AFF2: variants seen among roughly 807,000 people sequenced by gnomAD.
AFF2 encodes AF4/FMR2 family member 2.
In AFF2, 14 loss-of-function variants were observed where a neutral mutation model predicts 76.9. That is an observed-to-expected ratio of 0.18 (90% CI 0.12 to 0.28). The LOEUF is 0.28. Ranked by LOEUF, AFF2 falls within the 10% of genes least tolerant of loss-of-function variation. The probability of loss-of-function intolerance (pLI) is 1.00; values close to 1 mark genes in which losing one functional copy is unlikely to be tolerated. For missense variants in AFF2, 868 were observed against 1,001.1 expected (o/e 0.87, Z 1.79); for synonymous variants, 398 against 366.7 (o/e 1.09, Z -0.98).
intron 7 of AFF2, among the ~76,000 whole-genome samples, chrX:148,850,862 G>A (rs1364328841): frequency 1.8e-5 from 2 of 111,479 alleles, no homozygotes; most frequent in Admixed American, 1.9e-4. Context: ...TGCATTCTCA[G>A]AATATGCTGC....
intron 15 of AFF2, among the ~76,000 whole-genome samples, chrX:148,968,019 CT>C (rs2072202542): frequency 1.8e-5 from 2 of 111,635 alleles, no homozygotes; most frequent in Non-Finnish European, 3.8e-5. Context: ...AAATGATGTG[CT>C]TTTTTGGTCC....
At chrX:148,524,123 C>G (rs868947887) in intron 1 of AFF2, among the ~76,000 whole-genome samples, 45 of 83,461 alleles carry the variant, frequency 5.4e-4, no homozygotes, top group East Asian at 9.1e-4. Flanking sequence ...CTCTCTCTCT[C>G]TGTGTGTGTG....
intron 1 of AFF2, among the ~76,000 whole-genome samples, chrX:148,508,227 C>G (rs1258661349): frequency 8.9e-6 from 1 of 112,231 alleles, no homozygotes; most frequent in Admixed American, 9.4e-5. Flanking sequence ...TCTGCATCAT[C>G]TACCATCTTC....
chrX:148,671,610 C>T (rs184817154), intron 3 of AFF2, among the ~76,000 whole-genome samples: 1 of 111,332 alleles, frequency 9.0e-6, no homozygotes, highest in African/African-American at 3.3e-5. Context: ...CCATAACCCT[C>T]TAGGAGTATC....
At chrX:148,805,831 T>A (rs2124636993) in intron 3 of AFF2, among the ~76,000 whole-genome samples, 1 of 112,461 alleles carries the variant, frequency 8.9e-6, no homozygotes, top group South Asian at 3.7e-4. Context: ...GATGTGCACC[T>A]CCCTTCCCTG....
At chrX:148,704,298 A>T (rs868995306) in intron 3 of AFF2, among the ~76,000 whole-genome samples, 2 of 79,198 alleles carry the variant, frequency 2.5e-5, no homozygotes, top group African/African-American at 9.5e-5. Context: ...GTATATATAT[A>T]TTTATATATA....
intron 7 of AFF2, among the ~76,000 whole-genome samples, chrX:148,877,216 C>T (rs1252549069): frequency 8.9e-6 from 1 of 111,982 alleles, no homozygotes; most frequent in Non-Finnish European, 1.9e-5. Context: ...GGACCTGCAT[C>T]TTTATTGGTT....
intron 7 of AFF2, among the ~76,000 whole-genome samples, chrX:148,861,821 C>A (rs782748402): frequency 1.2e-3 from 133 of 111,829 alleles, no homozygotes; most frequent in South Asian, 1.9e-3. Flanking sequence ...AATCAAATAT[C>A]CCTTATAGGC....
intron 7 of AFF2, among the ~76,000 whole-genome samples, chrX:148,865,795 A>G (rs1485224430): frequency 8.9e-6 from 1 of 111,860 alleles, no homozygotes. Context: ...TATCTTTGTC[A>G]AAATAAGGTA....
At chrX:148,916,876 G>A (rs2071539045) in intron 9 of AFF2, among the ~76,000 whole-genome samples, 1 of 112,236 alleles carries the variant, frequency 8.9e-6, no homozygotes, top group African/African-American at 3.2e-5. Context: ...AGTCACTGCT[G>A]TAACCCCAGC....
Position 148,686,187 on chromosome X carries a change from C to T in AFF2, c.1041+23419C>T, listed in dbSNP as rs782428340. ...AACATGATAACAAAATGTTGCATCT[C>T]ATTAATTGTTTTTATTCTGACAAAT... On this transcript the variant is annotated intron_variant, in intron 3 of 20. Transcript: ENST00000370460. 2.1e-3 allele frequency among the ~76,000 whole-genome samples: 239 copies of T among 111,817 alleles called. 2 individuals carry two copies. Among genetic ancestry groups the T allele is most frequent in the African/African-American group, 7.3e-3 (224 of 30,836 alleles).
chrX:148,947,019 T>C (rs1236878998), intron 9 of AFF2, among the ~76,000 whole-genome samples: 1 of 112,373 alleles, frequency 8.9e-6, no homozygotes, highest in South Asian at 3.7e-4. Flanking sequence ...CACAGATCAC[T>C]TCAGTCATTC....
intron 3 of AFF2, among the ~76,000 whole-genome samples, chrX:148,798,461 G>A (rs782507284): frequency 1.8e-5 from 2 of 112,407 alleles, no homozygotes; most frequent in East Asian, 2.8e-4. Flanking sequence ...TGCATACTGA[G>A]GGTGCAATGC....
chrX:148,852,787 A>T (rs1430709504), intron 7 of AFF2, among the ~76,000 whole-genome samples: 2 of 111,730 alleles, frequency 1.8e-5, no homozygotes, highest in Admixed American at 9.6e-5. Context: ...CCAGGATTGT[A>T]CTCTCAAGGG....
chrX:148,624,856 C>T (rs17252195), intron 1 of AFF2, among the ~76,000 whole-genome samples: 20,608 of 111,027 alleles, frequency 0.19, 1,395 homozygotes, highest in Non-Finnish European at 0.2. Context: ...AACATTGATG[C>T]GTCTAAGAAT....
chrX:148,810,321 G>A (rs1469211397), intron 4 of AFF2, among the ~76,000 whole-genome samples: 2 of 111,940 alleles, frequency 1.8e-5, no homozygotes, highest in Non-Finnish European at 3.8e-5. Flanking sequence ...TATAATAAGG[G>A]GAAGAGATGT....
chrX:148,715,817 G>T (rs2055019277), intron 3 of AFF2, among the ~76,000 whole-genome samples: 1 of 111,517 alleles, frequency 9.0e-6, no homozygotes, highest in Admixed American at 9.5e-5. Flanking sequence ...ATTTCCCACA[G>T]GAAATGATGA....
At chrX:148,980,968 C>G (rs5936462) in intron 19 of AFF2, among the ~76,000 whole-genome samples, 178 bp downstream of exon 19, 63,602 of 110,552 alleles carry the variant, frequency 0.58, 15,209 homozygotes, top group East Asian at 0.89. Context: ...AAAAGATGTG[C>G]TTCAGAGTTA....
At chrX:148,891,083 C>T (rs1371591691) in intron 8 of AFF2, among the ~76,000 whole-genome samples, 1 of 111,604 alleles carries the variant, frequency 9.0e-6, no homozygotes, top group Non-Finnish European at 1.9e-5. Flanking sequence ...ATATAAAATC[C>T]AGCCCTGGCC....
Sources: gnomAD v4.1 joint callset for allele counts (sites outside exome capture counted in the v4.1 genomes callset) on GRCh38, gnomAD v4.1.1 for gene constraint, MANE v1.5 for transcripts, NCBI Gene and HGNC (gene_info 2026-07-23, HGNC 2026-07-21) for gene names.